Variants in NXPE3 observed in about 807,000 individuals in gnomAD.
The protein encoded by NXPE3 is neurexophilin and PC-esterase domain family member 3, also known as NXPE family member 3.
A neutral mutation model predicts 46.1 loss-of-function variants in NXPE3; 26 were observed. The observed-to-expected ratio is 0.56, with a 90% CI of 0.41 to 0.78. NXPE3 has a LOEUF of 0.78. NXPE3 is among the 30% of genes least tolerant of loss of function. NXPE3 has a pLI of 0.00. For missense variants in NXPE3, 620 were observed against 686.0 expected (o/e 0.90, Z 1.07); for synonymous variants, 272 against 257.9 (o/e 1.05, Z -0.52).
Position 101,814,249 on chromosome 3 carries a change from C to T in NXPE3, c.923-2546C>T, listed in dbSNP as rs75551905. ...CTGGAGCTCTCTAACTATGCAGCCTCGATGTACTGATATAATGAGGGAGCT... is the reference window on the plus strand; with the variant it reads ...CTGGAGCTCTCTAACTATGCAGCCTTGATGTACTGATATAATGAGGGAGCT... On this transcript the variant is annotated intron_variant, in intron 6 of 7. Transcript: ENST00000273347. Among the ~76,000 whole-genome samples the T allele has an allele frequency of 6.3e-3, 952 of 152,238 alleles. 16 individuals are homozygous for T. The highest frequency in any genetic ancestry group is 0.022 in the African/African-American group (917 of 41,516).
chr3:101,799,854 G>T (rs1172002774), intron 4 of NXPE3, among the ~76,000 whole-genome samples: 1 of 152,160 alleles, frequency 6.6e-6, no homozygotes, highest in African/African-American at 2.4e-5. Context: ...TATGGGCATA[G>T]AATTGTTCAT....
chr3:101,790,747 C>G (rs1940466445), intron 4 of NXPE3, among the ~76,000 whole-genome samples: 1 of 151,982 alleles, frequency 6.6e-6, no homozygotes, highest in Non-Finnish European at 1.5e-5. Context: ...TGTGCGCCAC[C>G]ACGTCTGGCT....
chr3:101,784,124 G>A (rs1205076888), intron 3 of NXPE3, among the ~76,000 whole-genome samples: 2 of 152,126 alleles, frequency 1.3e-5, no homozygotes, highest in Admixed American at 1.3e-4. Flanking sequence ...ATAGATTGTT[G>A]AATCATTGTG....
chr3:101,825,787 A>C lies in NXPE3; in HGVS notation c.*3833A>C, dbSNP rs1942466574. The C allele has an allele frequency of 6.6e-6, 1 of 152,220 alleles. No homozygotes were observed. Among genetic ancestry groups the C allele is most frequent in the Non-Finnish European group, 1.5e-5 (1 of 68,032 alleles). 9.4% of individuals were successfully genotyped at this position (152,220 alleles called of 1,614,324 possible). On this transcript the variant is annotated 3_prime_UTR_variant, in exon 8 of 8. Transcript: ENST00000273347. ...TAAAGCAGTGGTTTATATCAATTTC[A>C]GTGGTTTAAAATATGAATTTCTATT... is the stretch of plus-strand genomic sequence containing the variant.
At chr3:101,783,845 TA>T (rs1939983809) in intron 3 of NXPE3, among the ~76,000 whole-genome samples, 1 of 152,214 alleles carries the variant, frequency 6.6e-6, no homozygotes, top group Non-Finnish European at 1.5e-5. Flanking sequence ...AGTTATCCTC[TA>T]TTTTACAGCC....
At chr3:101,818,355 G>C (rs1036755742) in intron 7 of NXPE3, among the ~76,000 whole-genome samples, 1 of 152,048 alleles carries the variant, frequency 6.6e-6, no homozygotes, top group African/African-American at 2.4e-5. Context: ...ACTTTGTATG[G>C]CTTGATGCTA....
At chr3:101,787,857 A>C (rs1400434600) in intron 4 of NXPE3, among the ~76,000 whole-genome samples, 2 of 152,224 alleles carry the variant, frequency 1.3e-5, no homozygotes, top group Admixed American at 1.3e-4. Flanking sequence ...TTTTGGCTAT[A>C]ATGGATAACA....
intron 6 of NXPE3, 24 bp from the exon 7 acceptor site, chr3:101,816,771 T>C (rs754819545): frequency 1.8e-5 from 28 of 1,550,338 alleles, no homozygotes; most frequent in Non-Finnish European, 2.3e-5. Context: ...TATTAAAATA[T>C]TTGTTTTTCT....
At chr3:101,783,752 C>T (rs1257942614) in intron 3 of NXPE3, among the ~76,000 whole-genome samples, 1 of 152,158 alleles carries the variant, frequency 6.6e-6, no homozygotes, top group Non-Finnish European at 1.5e-5. Flanking sequence ...CCTCTCTGGC[C>T]ATTGTGGAAA....
intron 4 of NXPE3, among the ~76,000 whole-genome samples, chr3:101,790,059 T>C (rs1164947838): frequency 6.6e-6 from 1 of 152,238 alleles, no homozygotes; most frequent in Non-Finnish European, 1.5e-5. Context: ...CTTTCTGTTA[T>C]TGATTCCTCA....
intron 2 of NXPE3, 105 bp downstream of exon 2, chr3:101,782,395 CTCCTTGCAA>C (rs1939874507): frequency 6.6e-6 from 1 of 152,046 alleles, no homozygotes; most frequent in South Asian, 2.1e-4. Context: ...GATTTTAAGG[CTCCTTGCAA>C]ATAGCATTCC....
chr3:101,805,914 C>T (rs1039066474), intron 5 of NXPE3, among the ~76,000 whole-genome samples: 1 of 151,724 alleles, frequency 6.6e-6, no homozygotes, highest in Non-Finnish European at 1.5e-5. Flanking sequence ...TAACTATAGA[C>T]AAGTAAATTG....
chr3:101,808,627 AT>A (rs1461567287), intron 6 of NXPE3, among the ~76,000 whole-genome samples: 1 of 151,896 alleles, frequency 6.6e-6, no homozygotes. Context: ...ATTTTAGAAC[AT>A]TGACATCCAA....
At position 101,821,481 on chromosome 3, in the gene NXPE3, C is replaced by A. The variant is rs751502260; in HGVS notation, c.1207C>A (p.Leu403Ile). 2 of 1,614,190 alleles carry A rather than the reference C, an allele frequency of 1.2e-6. No homozygotes were observed. Among genetic ancestry groups the A allele is most frequent in the Non-Finnish European group, 1.7e-6 (2 of 1,180,038 alleles). The change falls in exon 8 of 8, where the codon CTC (leucine) becomes ATC (isoleucine). Residue 403 changes from leucine (L) to isoleucine (I), a missense_variant. Coordinates refer to ENST00000273347, the MANE Select transcript of NXPE3 (RefSeq NM_145037.4). ...AGTGGACCAGAAGCACAACATCCTG[C>A]TCAAATACCGCTGCCATGGTCCACC... ...LAVDQKHNILLKYRCHGPPIR... is the reference protein window; with the variant it reads ...LAVDQKHNILIKYRCHGPPIR...
At position 101,822,697 on chromosome 3, in the gene NXPE3, T is replaced by C. The variant is rs1942308831; in HGVS notation, c.*743T>C. On this transcript the variant is annotated 3_prime_UTR_variant, in exon 8 of 8. Transcript: ENST00000273347. ...TGAATACTTACTCTAGAATAACTAC[T>C]TTTGGAACTGGAAGGGGGAAATCTG... 1 of 152,214 alleles carries C rather than the reference T, an allele frequency of 6.6e-6. No individual in the cohort carries two copies. 9.4% of individuals were successfully genotyped at this position (152,214 alleles called of 1,614,324 possible).
At position 101,822,158 on chromosome 3, in the gene NXPE3, C is replaced by A; in HGVS notation, c.*204C>A. ...CCTATAGGATTTTATCCAATGTTGA[C>A]TTAGCCATGGTAGAACTCTTAACTG... On this transcript the variant is annotated 3_prime_UTR_variant, in exon 8 of 8. Transcript: ENST00000273347. 1 of 540,720 alleles carries A rather than the reference C, an allele frequency of 1.8e-6. No homozygotes were observed. The highest frequency in any genetic ancestry group is 3.3e-6 in the Non-Finnish European group (1 of 304,950). 33.5% of individuals were successfully genotyped at this position (540,720 alleles called of 1,614,324 possible). A position where few individuals can be genotyped will look rare whatever the true frequency, so the allele number is the denominator to read the frequency against.
chr3:101,786,238 C>A (rs867689117), intron 4 of NXPE3, among the ~76,000 whole-genome samples: 1 of 152,138 alleles, frequency 6.6e-6, no homozygotes, highest in African/African-American at 2.4e-5. Flanking sequence ...CTGTCCCCAG[C>A]CCCAACATGA....
intron 4 of NXPE3, 59 bp downstream of exon 4, chr3:101,785,748 A>G (rs1007759998): frequency 7.0e-5 from 99 of 1,409,316 alleles, no homozygotes; most frequent in Non-Finnish European, 3.0e-5. Context: ...ATCTGGGGCT[A>G]ACTAGCCTGG....
intron 4 of NXPE3, among the ~76,000 whole-genome samples, chr3:101,791,814 A>G (rs1940534623): frequency 1.5e-5 from 2 of 136,078 alleles, no homozygotes; most frequent in South Asian, 4.5e-4. Context: ...CTCTGTAATA[A>G]GATTGCTGGT....
Sources: allele counts gnomAD v4.1 joint callset (sites outside exome capture counted in the v4.1 genomes callset), GRCh38; gene constraint gnomAD v4.1.1; transcripts MANE v1.5; gene names NCBI Gene and HGNC (gene_info 2026-07-23, HGNC 2026-07-21).